The following PIAS4 variants were observed in gnomAD, a reference collection of about 807,000 sequenced individuals.
PIAS4 encodes E3 SUMO-protein ligase PIAS4.
In PIAS4, 7 loss-of-function variants were observed where a neutral mutation model predicts 58.0. The ratio of observed to expected loss-of-function variants is 0.12; its 90% CI spans 0.07 to 0.23. The LOEUF (loss-of-function observed/expected upper bound fraction) is 0.23, where lower values mean the gene tolerates loss of function less well. Among genes scored for constraint, PIAS4 ranks in the 10% least tolerant of loss-of-function variants. The pLI, the probability that PIAS4 is intolerant of heterozygous loss-of-function variation, is 1.00. For missense variants in PIAS4, 550 were observed against 709.5 expected, an observed-to-expected ratio of 0.78 and a Z score of 2.55; for synonymous variants, 364 against 312.4, an observed-to-expected ratio of 1.17 and a Z score of -1.74.
chr19:4,015,323 G>A (rs1014401058), intron 2 of PIAS4, among the ~76,000 whole-genome samples: 1 of 152,058 alleles, frequency 6.6e-6, no homozygotes, highest in African/African-American at 2.4e-5. Context: ...TCCTGCACGG[G>A]GACCAGTAGC....
At chr19:4,033,210 C>G in intron 8 of PIAS4, 37 bp downstream of exon 8, 2 of 1,575,596 alleles carry the variant, frequency 1.3e-6, no homozygotes, top group East Asian at 4.5e-5. Flanking sequence ...GAGGCCTCTC[C>G]TGCGGCCGGC....
chr19:4,020,512 C>T (rs897446239), intron 2 of PIAS4, among the ~76,000 whole-genome samples: 2 of 152,214 alleles, frequency 1.3e-5, no homozygotes, highest in Non-Finnish European at 2.9e-5. Context: ...CACGCTCTTC[C>T]GATATTTTTT....
intron 7 of PIAS4, among the ~76,000 whole-genome samples, chr19:4,032,633 G>A (rs1396607343): frequency 3.3e-5 from 5 of 152,236 alleles, no homozygotes; most frequent in Admixed American, 3.3e-4. Flanking sequence ...GCCTTGGGGC[G>A]GTGCTGGGGC....
chr19:4,023,202 G>A (rs533156098), intron 2 of PIAS4, among the ~76,000 whole-genome samples: 30 of 150,322 alleles, frequency 2.0e-4, no homozygotes, highest in African/African-American at 7.1e-4. Flanking sequence ...GGGCTGGCTG[G>A]GCACAGTGGC....
intron 2 of PIAS4, among the ~76,000 whole-genome samples, chr19:4,021,741 TC>T: frequency 6.8e-6 from 1 of 146,874 alleles, no homozygotes. Context: ...ATTTTCTTTT[TC>T]TTTTTTTTTT....
At chr19:4,025,849 G>A (rs1388074638) in intron 3 of PIAS4, among the ~76,000 whole-genome samples, 1 of 152,034 alleles carries the variant, frequency 6.6e-6, no homozygotes, top group African/African-American at 2.4e-5. Context: ...CAAGGCAGGT[G>A]GATCACGAGG....
chr19:4,016,260 A>G (rs1459514294), intron 2 of PIAS4, among the ~76,000 whole-genome samples: 4 of 152,340 alleles, frequency 2.6e-5, no homozygotes, highest in Non-Finnish European at 4.4e-5. Flanking sequence ...GGAAGGATAC[A>G]TGCTGGCCGG....
rs988842600 is a variant in PIAS4, at chr19:4,037,181, G to T, written c.1143-193G>T. On this transcript the variant is annotated intron_variant, in intron 9 of 10. Coordinates refer to ENST00000262971, the MANE Select transcript of PIAS4 (RefSeq NM_015897.4). The surrounding 1 kb of genome is among the most constrained non-coding windows in gnomAD (Gnocchi z 5.8). ...GCCGTGCACTGCAGACCTGCCTGGG[G>T]CTCAGCACCTGCAGGGGCCTGAGGG... Among the ~76,000 whole-genome samples the T allele has an allele frequency of 3.9e-5, 6 of 152,218 alleles. No homozygotes were observed. Among genetic ancestry groups the T allele is most frequent in the African/African-American group, 1.4e-4 (6 of 41,456 alleles).
chr19:4,024,461 A>G (rs10415527), intron 3 of PIAS4, among the ~76,000 whole-genome samples: 140,661 of 152,296 alleles, frequency 0.92, 64,997 homozygotes, highest in East Asian at 0.96. Context: ...ACAAGAACAC[A>G]CCCCTGTTGT....
Position 4,037,760 on chromosome 19 carries a change from C to T in PIAS4, c.1418C>T (p.Ser473Leu). 6.2e-7 allele frequency: 1 copy of T among 1,608,690 alleles called. No individual in the cohort carries two copies. Among genetic ancestry groups the T allele is most frequent in the Non-Finnish European group, 8.5e-7 (1 of 1,178,148 alleles). The part of the protein sequence containing the change: ...ADVVDLTLDS[S>L]SSSEDEEEEE... Reference sequence around the variant, plus strand: ...GTGGTGGACCTCACGCTGGACAGCTCATCGTCCTCGGAGGATGAGGAGGAG... The same window carrying T: ...GTGGTGGACCTCACGCTGGACAGCTTATCGTCCTCGGAGGATGAGGAGGAG... Residue 473 changes from serine to leucine, a missense_variant, in exon 11 of 11, where the codon TCA becomes TTA. This residue lies in a region of PIAS4 where 188 missense variants were observed against 192.0 expected (regional missense o/e 0.98). Transcript: ENST00000262971. The surrounding 1 kb of genome is among the most constrained non-coding windows in gnomAD (Gnocchi z 5.8).
At chr19:4,028,481 C>T (rs995185914) in intron 4 of PIAS4, 29 bp from the exon 5 acceptor site, 4 of 1,567,684 alleles carry the variant, frequency 2.6e-6, no homozygotes, top group Admixed American at 3.4e-5. Flanking sequence ...CGCCCCCTCC[C>T]CGCCCCATGG....
chr19:4,029,608 T>TGA (rs2040203155), intron 7 of PIAS4, among the ~76,000 whole-genome samples: 1 of 150,950 alleles, frequency 6.6e-6, no homozygotes, highest in Admixed American at 6.6e-5. Context: ...TGCAGTGAGC[T>TGA]GAGACTGCAT....
At position 4,037,446 on chromosome 19, in the gene PIAS4, C is replaced by G; in HGVS notation, c.1215C>G (p.Cys405Trp). The G allele has an allele frequency of 6.2e-7, 1 of 1,611,698 alleles. No individual in the cohort carries two copies. The highest frequency in any genetic ancestry group is 8.5e-7 in the Non-Finnish European group (1 of 1,179,502). The change falls in exon 10 of 11, where the codon TGC becomes TGG. Residue 405 changes from cysteine (C) to tryptophan (W), a missense_variant. Cys to Trp is a radical substitution (Grantham distance 215). Transcript: ENST00000262971. The surrounding 1 kb of genome is among the most constrained non-coding windows in gnomAD (Gnocchi z 5.8). The part of the protein sequence containing the change: ...EIEYLVDGSW[C>W]PIRAEKERSC... Reference sequence around the variant, plus strand: ...AGTACCTGGTGGACGGCTCGTGGTGCCCGATCCGCGCCGAAAAGGAGCGCA... The same window carrying G: ...AGTACCTGGTGGACGGCTCGTGGTGGCCGATCCGCGCCGAAAAGGAGCGCA...
Position 4,024,069 on chromosome 19 carries a change from C to T in PIAS4, c.488C>T (p.Pro163Leu). The change falls in exon 3 of 11, where the codon CCG (proline) becomes CTG (leucine). Residue 163 changes from proline (P) to leucine (L), a missense_variant. Physicochemically the swap from Pro to Leu is moderately conservative, Grantham distance 98. Around this residue, in one of 4 missense-constraint regions of PIAS4, gnomAD observed 225 missense variants for 345.8 expected, o/e 0.65. Transcript: ENST00000262971. ...PQNNEKLQES[P>L]CIFALTPRQV... ...AACAACGAGAAGCTTCAGGAGAGCC[C>T]GTGCATCTTCGCATTGACGCCAAGA... 6.2e-7 allele frequency: 1 copy of T among 1,613,976 alleles called. No individual in the cohort carries two copies. The highest frequency in any genetic ancestry group is 8.5e-7 in the Non-Finnish European group (1 of 1,179,870).
chr19:4,010,945 C>T (rs1376748461), intron 1 of PIAS4, among the ~76,000 whole-genome samples: 1 of 152,236 alleles, frequency 6.6e-6, no homozygotes, highest in African/African-American at 2.4e-5. Flanking sequence ...TCTCCGTCTC[C>T]AACAGGACCC....
At chr19:4,014,231 A>G (rs769809837) in intron 2 of PIAS4, among the ~76,000 whole-genome samples, 5 of 152,142 alleles carry the variant, frequency 3.3e-5, no homozygotes, top group Non-Finnish European at 7.4e-5. Flanking sequence ...GTCTGCAAGC[A>G]CTGACTGAGC....
At chr19:4,015,460 C>A (rs1359047024) in intron 2 of PIAS4, among the ~76,000 whole-genome samples, 1 of 152,176 alleles carries the variant, frequency 6.6e-6, no homozygotes, top group East Asian at 1.9e-4. Context: ...AGAGGCCATC[C>A]CCACCCTGCC....
intron 2 of PIAS4, among the ~76,000 whole-genome samples, chr19:4,022,121 TC>T (rs1443453298): frequency 2.0e-5 from 3 of 152,206 alleles, no homozygotes; most frequent in African/African-American, 7.2e-5. Context: ...TTTTCAAACT[TC>T]CTGTATCTTT....
intron 3 of PIAS4, among the ~76,000 whole-genome samples, chr19:4,024,337 C>A (rs565424001): frequency 1.3e-5 from 2 of 152,364 alleles, no homozygotes; most frequent in Admixed American, 6.5e-5. Context: ...TGCCCTGCAG[C>A]CTGCTAGAGA....
Sources: allele counts gnomAD v4.1 joint callset (sites outside exome capture counted in the v4.1 genomes callset), GRCh38; gene constraint gnomAD v4.1.1; regional missense constraint gnomAD v4.1.1; non-coding constraint Gnocchi (gnomAD v3.1); transcripts MANE v1.5; gene names NCBI Gene and HGNC (gene_info 2026-07-23, HGNC 2026-07-21).